NWD2: variants seen among roughly 807,000 people sequenced by gnomAD.
The protein encoded by NWD2 is NACHT and WD repeat domain containing 2.
A neutral mutation model predicts 132.7 loss-of-function variants in NWD2; 37 were observed. The ratio of observed to expected loss-of-function variants is 0.28; its 90% CI spans 0.21 to 0.37. The LOEUF is 0.37. Among genes scored for constraint, NWD2 ranks in the 10% least tolerant of loss-of-function variants. The pLI is 1.00. For missense variants in NWD2, 1,592 were observed against 2,122.4 expected, an observed-to-expected ratio of 0.75 and a Z score of 4.91; for synonymous variants, 705 against 803.0, an observed-to-expected ratio of 0.88 and a Z score of 2.06.
chr4:37,430,561 T>C lies in NWD2; in HGVS notation c.358-11T>C. 1 of 1,546,938 alleles carries C rather than the reference T, an allele frequency of 6.5e-7. No homozygotes were observed. The highest frequency in any genetic ancestry group is 8.8e-7 in the Non-Finnish European group (1 of 1,142,814). On this transcript the variant is annotated splice_polypyrimidine_tract_variant and intron_variant, in intron 3 of 6. Transcript: ENST00000309447. ...TGATACACTAAATTGAACTTTCTTGTTGATACACAGGGACTATTAGGTGAA... is the reference window on the plus strand; with the variant it reads ...TGATACACTAAATTGAACTTTCTTGCTGATACACAGGGACTATTAGGTGAA...
At chr4:37,323,271 G>A (rs11941875) in intron 1 of NWD2, among the ~76,000 whole-genome samples, 5,188 of 152,182 alleles carry the variant, frequency 0.034, 301 homozygotes, top group African/African-American at 0.12. Flanking sequence ...ACAACCTACC[G>A]AATGGAAGAA....
intron 1 of NWD2, among the ~76,000 whole-genome samples, chr4:37,267,220 C>A (rs1170551450): frequency 1.3e-5 from 2 of 152,098 alleles, no homozygotes; most frequent in East Asian, 3.9e-4. Flanking sequence ...TAAAAATTAT[C>A]ATTGCAGAAT....
intron 3 of NWD2, among the ~76,000 whole-genome samples, chr4:37,402,602 T>G (rs1720915382): frequency 6.6e-6 from 1 of 152,184 alleles, no homozygotes; most frequent in Non-Finnish European, 1.5e-5. Context: ...TTTTATCTAT[T>G]GGTGAATTGA....
In NWD2 at chr4:37,342,356, A is replaced by C. The variant is rs1434338611; in HGVS notation, c.241-14010A>C. On this transcript the variant is annotated intron_variant, in intron 2 of 6. Coordinates refer to ENST00000309447, the MANE Select transcript of NWD2 (RefSeq NM_001144990.2). ...AAAAGCTTCCTGATGCCCCACCAGAAGCCAAGCAGATGCTGGCGCTATGCT... is the reference window on the plus strand; with the variant it reads ...AAAAGCTTCCTGATGCCCCACCAGACGCCAAGCAGATGCTGGCGCTATGCT... 2.0e-5 allele frequency among the ~76,000 whole-genome samples: 3 copies of C among 152,246 alleles called. No individual in the cohort carries two copies. In the East Asian group the frequency reaches 5.8e-4, roughly 30 times the overall value.
At chr4:37,368,092 C>T (rs1720136776) in intron 3 of NWD2, among the ~76,000 whole-genome samples, 1 of 152,038 alleles carries the variant, frequency 6.6e-6, no homozygotes. Context: ...AATCGCTAGC[C>T]TAGTGTGTGA....
intron 3 of NWD2, among the ~76,000 whole-genome samples, chr4:37,383,654 G>C (rs1431292008): frequency 6.6e-6 from 1 of 152,146 alleles, no homozygotes; most frequent in African/African-American, 2.4e-5. Context: ...GGAATTCTTT[G>C]AGTGTTATAT....
At chr4:37,441,993 C>T (rs949222021) in intron 6 of NWD2, among the ~76,000 whole-genome samples, 3 of 152,150 alleles carry the variant, frequency 2.0e-5, no homozygotes, top group Admixed American at 6.5e-5. Flanking sequence ...TAGAAACAAA[C>T]CGGTGTTTTC....
rs1712286853 is a variant in NWD2, at chr4:37,435,044, C to T, written c.706+1024C>T. ...AGTCTATACCATACCAAGCATTCTG[C>T]GTACAGAGGCTCACCTGTTGGCCTT... On this transcript the variant is annotated intron_variant, in intron 5 of 6. Transcript: ENST00000309447. Among the ~76,000 whole-genome samples the T allele has an allele frequency of 1.3e-5, 2 of 152,224 alleles. 1 individual carries two copies. Among genetic ancestry groups the T allele is most frequent in the East Asian group, 3.9e-4 (2 of 5,182 alleles).
intron 3 of NWD2, among the ~76,000 whole-genome samples, chr4:37,416,300 T>G (rs1265657398): frequency 6.6e-6 from 1 of 152,056 alleles, no homozygotes; most frequent in Admixed American, 6.5e-5. Flanking sequence ...AGCATGGAAC[T>G]TATATTTGTT....
rs913199940 is a variant in NWD2 at position 37,244,858 on chromosome 4, G to C, written c.-210G>C. ...GCCCAGAAGGGCAGGAGACCGCCGC[G>C]ACAGGAGCCCGAGGGTCCGTATGGC... On this transcript the variant is annotated 5_prime_UTR_variant, in exon 1 of 7. Transcript: ENST00000309447. The surrounding 1 kb of genome is among the most constrained non-coding windows in gnomAD (Gnocchi z 5.5). 5.2e-6 allele frequency: 3 copies of C among 582,270 alleles called. No homozygotes were observed. Among genetic ancestry groups the C allele is most frequent in the Admixed American group, 3.5e-5 (1 of 28,170 alleles). 36.1% of individuals were successfully genotyped at this position (582,270 alleles called of 1,614,324 possible).
At chr4:37,429,052 G>A (rs540633309) in intron 3 of NWD2, among the ~76,000 whole-genome samples, 1 of 152,148 alleles carries the variant, frequency 6.6e-6, no homozygotes, top group South Asian at 2.1e-4. Flanking sequence ...AATTTAAAAT[G>A]TTTAAATACC....
chr4:37,405,935 A>T (rs1720994468), intron 3 of NWD2, among the ~76,000 whole-genome samples: 2 of 152,216 alleles, frequency 1.3e-5, no homozygotes, highest in Non-Finnish European at 2.9e-5. Context: ...ACAGCAATTG[A>T]TTTAGAACCA....
At chr4:37,336,232 T>C (rs1719403892) in intron 2 of NWD2, among the ~76,000 whole-genome samples, 1 of 152,238 alleles carries the variant, frequency 6.6e-6, no homozygotes, top group African/African-American at 2.4e-5. Flanking sequence ...ATTCTTTCTC[T>C]GACATGGTTT....
intron 1 of NWD2, among the ~76,000 whole-genome samples, chr4:37,298,171 A>G (rs1347442130): frequency 1.3e-5 from 2 of 152,130 alleles, no homozygotes; most frequent in African/African-American, 2.4e-5. Context: ...GATTGGTTAT[A>G]TTAATAATTT....
At chr4:37,424,982 A>G (rs1005302931) in intron 3 of NWD2, among the ~76,000 whole-genome samples, 43 of 152,314 alleles carry the variant, frequency 2.8e-4, no homozygotes, top group African/African-American at 8.4e-4. Flanking sequence ...AAGAAAAAAA[A>G]TCAATTGAGA....
chr4:37,336,263 G>C (rs1254102996), intron 2 of NWD2, among the ~76,000 whole-genome samples: 2 of 152,014 alleles, frequency 1.3e-5, no homozygotes, highest in Non-Finnish European at 2.9e-5. Context: ...AATATTTTAA[G>C]ATAATATCTA....
At chr4:37,299,842 G>C (rs568270349) in intron 1 of NWD2, among the ~76,000 whole-genome samples, 1 of 152,030 alleles carries the variant, frequency 6.6e-6, no homozygotes, top group Non-Finnish European at 1.5e-5. Context: ...CTGTATATAT[G>C]CTTTCTTTTC....
At chr4:37,383,224 C>T (rs1173555583) in intron 3 of NWD2, among the ~76,000 whole-genome samples, 2 of 152,224 alleles carry the variant, frequency 1.3e-5, no homozygotes, top group Non-Finnish European at 1.5e-5. Flanking sequence ...TTATCTAACA[C>T]ATATGGGACT....
chr4:37,254,008 G>T (rs548678932), intron 1 of NWD2, among the ~76,000 whole-genome samples: 3 of 152,258 alleles, frequency 2.0e-5, no homozygotes, highest in Admixed American at 6.5e-5. Context: ...ATAAGAACAA[G>T]TGGACACATA....
Sources: gnomAD v4.1 joint callset for allele counts (sites outside exome capture counted in the v4.1 genomes callset) on GRCh38, gnomAD v4.1.1 for gene constraint, Gnocchi (gnomAD v3.1) non-coding constraint, MANE v1.5 for transcripts, NCBI Gene and HGNC (gene_info 2026-07-23, HGNC 2026-07-21) for gene names.